Variants in NHSL2 observed in about 807,000 individuals in gnomAD.
NHSL2 encodes the protein NHS-like protein 2.
In NHSL2, 27 loss-of-function variants were observed where a neutral mutation model predicts 53.4. That is an observed-to-expected ratio of 0.51 (90% confidence interval 0.37 to 0.70). The LOEUF (loss-of-function observed/expected upper bound fraction) is 0.70, where lower values mean the gene tolerates loss of function less well. NHSL2 is among the 30% of genes least tolerant of loss of function. The pLI is 0.00. For missense variants in NHSL2, 892 were observed against 980.1 expected, an observed-to-expected ratio of 0.91 and a Z score of 1.20; for synonymous variants, 408 against 404.1, an observed-to-expected ratio of 1.01 and a Z score of -0.12.
intron 1 of NHSL2, among the ~76,000 whole-genome samples, chrX:71,973,252 G>A (rs1358499750): frequency 8.9e-6 from 1 of 112,420 alleles, no homozygotes; most frequent in Admixed American, 9.4e-5. Flanking sequence ...TAGTGCATGT[G>A]CACAGCCTTC....
At chrX:71,971,027 C>A (rs1448276741) in intron 1 of NHSL2, among the ~76,000 whole-genome samples, 1 of 111,137 alleles carries the variant, frequency 9.0e-6, no homozygotes, top group Non-Finnish European at 1.9e-5. Flanking sequence ...AAGTGATCTT[C>A]CTGCTTCAGC....
chrX:71,949,465 G>A (rs755394082), intron 1 of NHSL2, among the ~76,000 whole-genome samples: 72 of 111,686 alleles, frequency 6.4e-4, no homozygotes, highest in African/African-American at 2.3e-3. Context: ...AGTCTGGGCC[G>A]CCACCCAGCA....
intron 1 of NHSL2, among the ~76,000 whole-genome samples, chrX:72,086,658 TGG>T (rs1207552007): frequency 2.5e-5 from 2 of 80,248 alleles, no homozygotes; most frequent in Non-Finnish European, 4.3e-5. Flanking sequence ...TACTCCAGCC[TGG>T]GAGACAGAGT....
At chrX:72,130,982 G>T (rs780600109) in intron 1 of NHSL2, 224 of 1,209,113 alleles carry the variant, frequency 1.9e-4, no homozygotes, top group Middle Eastern at 4.6e-4. Flanking sequence ...AAGGCCACCC[G>T]CTCGGCGCCC....
intron 1 of NHSL2, among the ~76,000 whole-genome samples, chrX:72,071,849 A>G (rs145936983): frequency 5.6e-4 from 62 of 111,702 alleles, no homozygotes; most frequent in African/African-American, 2.0e-3. Context: ...TCATCCATCT[A>G]TCTGCTCATT....
chrX:71,915,932 G>A (rs1204089222), intron 1 of NHSL2, among the ~76,000 whole-genome samples: 1 of 112,442 alleles, frequency 8.9e-6, no homozygotes, highest in Non-Finnish European at 1.9e-5. Flanking sequence ...GGGGTGAGCT[G>A]AAGCTGGAGA....
intron 1 of NHSL2, among the ~76,000 whole-genome samples, chrX:72,070,314 C>T (rs115948179): frequency 0.078 from 8,658 of 110,314 alleles, 324 homozygotes; most frequent in African/African-American, 0.13. Flanking sequence ...TGACAGAGCT[C>T]TCCTCATGCA....
At position 72,062,388 on chromosome X, in the gene NHSL2, A is replaced by T. The variant is rs374584897; in HGVS notation, c.281-69691A>T. Among the ~76,000 whole-genome samples the T allele has an allele frequency of 9.8e-5, 11 of 112,638 alleles. 1 individual carries two copies. In the East Asian group the frequency reaches 2.5e-3, roughly 26 times the overall value. On this transcript the variant is annotated intron_variant, in intron 1 of 7. Coordinates refer to ENST00000633930, the MANE Select transcript of NHSL2 (RefSeq NM_001013627.3). ...GCACAGTAGTACATATATATGGTTT[A>T]TACATAAATATGTATATATGGGAGT...
chrX:72,081,967 G>A (rs951763251), intron 1 of NHSL2, among the ~76,000 whole-genome samples: 3 of 112,101 alleles, frequency 2.7e-5, no homozygotes, highest in African/African-American at 9.7e-5. Context: ...GGCCACAGCT[G>A]GCCTCTCCCT....
chrX:72,058,341 T>C (rs1362573675), intron 1 of NHSL2, among the ~76,000 whole-genome samples: 1 of 111,444 alleles, frequency 9.0e-6, no homozygotes, highest in Non-Finnish European at 1.9e-5. Flanking sequence ...TTCTTTTTTT[T>C]TAAATTGTTA....
At chrX:72,044,608 C>T (rs999904656) in intron 1 of NHSL2, 25 of 1,111,793 alleles carry the variant, frequency 2.2e-5, no homozygotes, top group Admixed American at 4.4e-5. Flanking sequence ...GCAGCCTATT[C>T]GCTGCACTAA....
At chrX:71,949,819 C>T (rs762364699) in intron 1 of NHSL2, among the ~76,000 whole-genome samples, 44 of 113,033 alleles carry the variant, frequency 3.9e-4, no homozygotes, top group African/African-American at 9.0e-4. Context: ...TCGAAATCCC[C>T]CCTCTGCCTT....
chrX:71,912,689 G>A (rs1307502292), intron 1 of NHSL2, among the ~76,000 whole-genome samples: 2 of 112,381 alleles, frequency 1.8e-5, no homozygotes, highest in African/African-American at 6.5e-5. Context: ...CAGATGGAAT[G>A]TAGACGTTGG....
At chrX:71,923,905 GT>G (rs2041672000) in intron 1 of NHSL2, among the ~76,000 whole-genome samples, 1 of 112,117 alleles carries the variant, frequency 8.9e-6, no homozygotes, top group East Asian at 2.8e-4. Context: ...ACTTTTCTGT[GT>G]TCTGTTTAAA....
At chrX:71,991,392 C>A (rs10126944) in intron 1 of NHSL2, among the ~76,000 whole-genome samples, 1 of 111,173 alleles carries the variant, frequency 9.0e-6, no homozygotes, top group Non-Finnish European at 1.9e-5. Flanking sequence ...TCTGTTTGAC[C>A]TGCTTTGAAA....
At chrX:72,137,292 G>A in intron 5 of NHSL2, 67 bp downstream of exon 5, 8 of 1,042,718 alleles carry the variant, frequency 7.7e-6, no homozygotes, top group Non-Finnish European at 1.0e-5. Context: ...CTGCCACCCA[G>A]GTGGTACTGT....
At chrX:71,965,079 T>C (rs2041895511) in intron 1 of NHSL2, among the ~76,000 whole-genome samples, 1 of 111,852 alleles carries the variant, frequency 8.9e-6, no homozygotes, top group Non-Finnish European at 1.9e-5. Context: ...CTAAAACTGC[T>C]CTAAAAAAAT....
chrX:71,964,383 G>A (rs1282649308), intron 1 of NHSL2, among the ~76,000 whole-genome samples: 1 of 109,447 alleles, frequency 9.1e-6, no homozygotes, highest in Non-Finnish European at 1.9e-5. Flanking sequence ...TCCCTGCAAA[G>A]GACATGAACT....
chrX:72,050,266 C>G (rs2042332284), intron 1 of NHSL2, among the ~76,000 whole-genome samples: 1 of 110,975 alleles, frequency 9.0e-6, no homozygotes, highest in African/African-American at 3.3e-5. Context: ...CCAGCAAAGG[C>G]GGGTAGGGGC....
Sources: allele counts gnomAD v4.1 joint callset (sites outside exome capture counted in the v4.1 genomes callset), GRCh38; gene constraint gnomAD v4.1.1; transcripts MANE v1.5; gene names NCBI Gene and HGNC (gene_info 2026-07-23, HGNC 2026-07-21).